GNA14: variants seen among roughly 807,000 people sequenced by gnomAD.
GNA14 encodes guanine nucleotide-binding protein subunit alpha-14.
In GNA14, 50 loss-of-function variants were observed where a neutral mutation model predicts 42.0. The observed-to-expected ratio is 1.19, with a 90% CI of 0.95 to 1.51. GNA14 has a LOEUF of 1.51. Among genes scored for constraint, GNA14 ranks in the 40% most tolerant of loss-of-function variants. The pLI is 0.00. For missense variants in GNA14, 473 were observed against 446.2 expected (o/e 1.06, Z -0.54); for synonymous variants, 173 against 163.1 (o/e 1.06, Z -0.46).
rs1026362487 is a variant in GNA14 at position 77,524,997 on chromosome 9, A to G, written c.309+4072T>C. On this transcript the variant is annotated intron_variant, in intron 2 of 6. Coordinates refer to ENST00000341700, the MANE Select transcript of GNA14 (RefSeq NM_004297.4). ...CCCAGGACCAGGGTCAGCAAAGTAC[A>G]CCAACTGATTAAATCCACTCATGGA... is the stretch of plus-strand genomic sequence containing the variant. Among the ~76,000 whole-genome samples, 5 of 152,320 alleles carry G rather than the reference A, an allele frequency of 3.3e-5. No individual in the cohort carries two copies. In the East Asian group the frequency reaches 5.8e-4, roughly 18 times the overall value.
intron 2 of GNA14, among the ~76,000 whole-genome samples, chr9:77,457,200 T>C (rs1321256506): frequency 6.6e-6 from 1 of 152,058 alleles, no homozygotes; most frequent in East Asian, 1.9e-4. Context: ...TTTGAGAAAG[T>C]GGGAGCGAGA....
chr9:77,642,694 G>A (rs1320227931), intron 1 of GNA14, among the ~76,000 whole-genome samples: 1 of 152,064 alleles, frequency 6.6e-6, no homozygotes, highest in African/African-American at 2.4e-5. Flanking sequence ...ACTTGAACCT[G>A]GGAGGCAGAG....
At chr9:77,495,409 AT>A (rs1412263486) in intron 2 of GNA14, among the ~76,000 whole-genome samples, 1 of 152,248 alleles carries the variant, frequency 6.6e-6, no homozygotes, top group East Asian at 1.9e-4. Context: ...TGGAGATAAC[AT>A]GTTGAATATG....
At chr9:77,542,391 C>T (rs1038051373) in intron 1 of GNA14, among the ~76,000 whole-genome samples, 1 of 152,148 alleles carries the variant, frequency 6.6e-6, no homozygotes, top group Non-Finnish European at 1.5e-5. Context: ...GACTAAGATG[C>T]CAGATGGCCA....
intron 2 of GNA14, among the ~76,000 whole-genome samples, chr9:77,462,732 T>TC (rs1836129817): frequency 1.0e-5 from 1 of 100,284 alleles, no homozygotes; most frequent in South Asian, 4.3e-4. Context: ...GGGCGGGGGG[T>TC]GGGGGGGTGG....
At chr9:77,485,825 T>C (rs748210350) in intron 2 of GNA14, among the ~76,000 whole-genome samples, 1 of 152,200 alleles carries the variant, frequency 6.6e-6, no homozygotes, top group South Asian at 2.1e-4. Flanking sequence ...GTCTCCACAG[T>C]AGGCTTAAAA....
intron 2 of GNA14, among the ~76,000 whole-genome samples, chr9:77,508,957 TA>T (rs140072502): frequency 0.047 from 7,173 of 152,250 alleles, 176 homozygotes; most frequent in Middle Eastern, 0.071. Flanking sequence ...AAAAAATACC[TA>T]ACATAAAGTT....
intron 2 of GNA14, among the ~76,000 whole-genome samples, chr9:77,473,863 A>G (rs1836373762): frequency 6.6e-6 from 1 of 152,176 alleles, no homozygotes; most frequent in South Asian, 2.1e-4. Flanking sequence ...CCTCAAATTT[A>G]TAGTCAACTG....
intron 2 of GNA14, among the ~76,000 whole-genome samples, chr9:77,479,294 G>T (rs913334725): frequency 2.6e-5 from 4 of 152,170 alleles, no homozygotes; most frequent in African/African-American, 4.8e-5. Context: ...TTTCCCCATT[G>T]CTTGTTTTTG....
intron 2 of GNA14, among the ~76,000 whole-genome samples, chr9:77,515,987 A>G (rs978339159): frequency 2.7e-5 from 4 of 147,816 alleles, no homozygotes; most frequent in Non-Finnish European, 6.0e-5. Context: ...AAAAAAACCC[A>G]GAGCAGGAAG....
intron 1 of GNA14, among the ~76,000 whole-genome samples, chr9:77,638,484 T>A (rs992649388): frequency 2.6e-5 from 4 of 152,070 alleles, no homozygotes; most frequent in Non-Finnish European, 4.4e-5. Context: ...GAAACAGCCA[T>A]GTATGTGGAA....
At chr9:77,428,071 CTTTTTTTTTTTCTTT>C (rs1342765419) in intron 5 of GNA14, among the ~76,000 whole-genome samples, 8 of 130,676 alleles carry the variant, frequency 6.1e-5, no homozygotes, top group African/African-American at 1.8e-4. Flanking sequence ...GGCATTTTTT[CTTTTTTTTTTTCTTT>C]TTTTTTTTTT....
chr9:77,480,884 A>G (rs1836540479), intron 2 of GNA14, among the ~76,000 whole-genome samples: 2 of 152,146 alleles, frequency 1.3e-5, no homozygotes, highest in African/African-American at 4.8e-5. Flanking sequence ...CTGTGGGATC[A>G]GTGGTGATAT....
At chr9:77,568,659 A>C (rs1270110907) in intron 1 of GNA14, among the ~76,000 whole-genome samples, 2 of 152,214 alleles carry the variant, frequency 1.3e-5, no homozygotes, top group Admixed American at 6.5e-5. Context: ...GCCCCTCACA[A>C]CAGTTAACCT....
intron 2 of GNA14, among the ~76,000 whole-genome samples, chr9:77,494,084 C>A (rs1325697645): frequency 6.6e-6 from 1 of 152,046 alleles, no homozygotes; most frequent in East Asian, 1.9e-4. Flanking sequence ...CCATGCCCGG[C>A]TAATTTTTTT....
chr9:77,514,608 ATTTTTTTTTTTTTTT>A (rs34158312), intron 2 of GNA14, among the ~76,000 whole-genome samples: 1 of 136,678 alleles, frequency 7.3e-6, no homozygotes, highest in Admixed American at 7.2e-5. Flanking sequence ...ATAATATCAG[ATTTTTTTTTTTTTTT>A]TTTTTTTTGA....
intron 1 of GNA14, among the ~76,000 whole-genome samples, chr9:77,576,674 A>G (rs1382989180): frequency 6.6e-6 from 1 of 152,188 alleles, no homozygotes; most frequent in Non-Finnish European, 1.5e-5. Context: ...TTGCCCAGTC[A>G]GTAATTTATT....
Position 77,435,401 on chromosome 9 carries a change from G to A in GNA14, c.310-879C>T, listed in dbSNP as rs373645178. On this transcript the variant is annotated intron_variant, in intron 2 of 6. Transcript: ENST00000341700. The stretch of plus-strand genomic sequence containing the variant: ...ATAATAATTGACTTTACTTTTTAGA[G>A]CAGTTTTAGCTTGCCAGCAAAATTG... Among the ~76,000 whole-genome samples, 24 of 152,022 alleles carry A rather than the reference G, an allele frequency of 1.6e-4. No individual in the cohort carries two copies. The South Asian group carries it at 5.0e-3, about 32-fold the overall frequency.
rs142793774 is a variant in GNA14 at position 77,474,991 on chromosome 9, G to C, written c.310-40469C>G. Among the ~76,000 whole-genome samples, 19 of 143,374 alleles carry C rather than the reference G, an allele frequency of 1.3e-4. No individual in the cohort carries two copies. The East Asian group carries it at 3.3e-3, about 25-fold the overall frequency. The allele number at this position is 143,374 out of a possible 152,430, so 94.1% of individuals were successfully genotyped here. A position where few individuals can be genotyped will look rare whatever the true frequency, so the allele number is the denominator to read the frequency against. On this transcript the variant is annotated intron_variant, in intron 2 of 6. Transcript: ENST00000341700. Reference sequence around the variant, plus strand: ...CCGGATTAGTTGTCACCTAGGACTGGGAGGTCATGGAAATAGGAGCATGAT... The same window carrying C: ...CCGGATTAGTTGTCACCTAGGACTGCGAGGTCATGGAAATAGGAGCATGAT...
Sources: allele counts gnomAD v4.1 joint callset (sites outside exome capture counted in the v4.1 genomes callset), GRCh38; gene constraint gnomAD v4.1.1; transcripts MANE v1.5; gene names NCBI Gene and HGNC (gene_info 2026-07-23, HGNC 2026-07-21).